The following PLCB1 variants were observed in gnomAD, a reference collection of about 807,000 sequenced individuals.
PLCB1 encodes phospholipase C beta 1, also known as 1-phosphatidylinositol 4,5-bisphosphate phosphodiesterase beta-1.
Under a neutral mutation model 161.8 loss-of-function variants are expected in PLCB1, and 46 were observed. The observed-to-expected ratio is 0.28, with a 90% CI of 0.22 to 0.36. The LOEUF is 0.36. Ranked by LOEUF, PLCB1 falls within the 10% of genes least tolerant of loss-of-function variation. The pLI, the probability that PLCB1 is intolerant of heterozygous loss-of-function variation, is 1.00. For synonymous variants in PLCB1, 517 were observed against 503.7 expected (o/e 1.03, Z -0.35); for missense variants, 1,016 against 1,472.5 (o/e 0.69, Z 5.07).
chr20:8,258,322 C>T (rs1455030305), intron 2 of PLCB1, among the ~76,000 whole-genome samples: 1 of 152,046 alleles, frequency 6.6e-6, no homozygotes, highest in Non-Finnish European at 1.5e-5. Context: ...TTCATAGATC[C>T]TTGGACCTCA....
intron 31 of PLCB1, among the ~76,000 whole-genome samples, chr20:8,842,524 C>T (rs958148272): frequency 2.6e-5 from 4 of 152,150 alleles, no homozygotes; most frequent in African/African-American, 9.7e-5. Flanking sequence ...GATAGTGTAG[C>T]AGGACGAGCC....
intron 11 of PLCB1, among the ~76,000 whole-genome samples, chr20:8,698,568 C>A (rs770276789): frequency 2.6e-5 from 4 of 152,058 alleles, no homozygotes; most frequent in Non-Finnish European, 2.9e-5. Context: ...GTCAAAGACC[C>A]CTAGGAACAT....
At chr20:8,375,630 T>G (rs1224922171) in intron 3 of PLCB1, among the ~76,000 whole-genome samples, 1 of 152,164 alleles carries the variant, frequency 6.6e-6, no homozygotes, top group African/African-American at 2.4e-5. Context: ...GCCTCATGAT[T>G]CTCAGCATGT....
chr20:8,802,124 T>TC lies in PLCB1; in HGVS notation c.3423+11869dup, dbSNP rs759029648. The TC allele has an allele frequency of 6.2e-6, 10 of 1,611,952 alleles. No individual in the cohort carries two copies. The Admixed American group carries it at 1.3e-4, about 22-fold the overall frequency. On this transcript the variant is annotated intron_variant, in intron 31 of 31. Coordinates refer to ENST00000338037, the MANE Select transcript of PLCB1 (RefSeq NM_015192.4). Reference sequence around the variant, plus strand: ...ATCCCTCTGTTTCCCCCAACTTTACTCCCCCCAACCCTCAAGCTCTCAAGT... The same window carrying TC: ...ATCCCTCTGTTTCCCCCAACTTTACTCCCCCCCAACCCTCAAGCTCTCAAGT...
At chr20:8,203,205 G>T (rs138535827) in intron 2 of PLCB1, among the ~76,000 whole-genome samples, 8 of 152,148 alleles carry the variant, frequency 5.3e-5, no homozygotes, top group African/African-American at 1.9e-4. Flanking sequence ...GAGAATCTGA[G>T]CAATGGGAGT....
intron 2 of PLCB1, among the ~76,000 whole-genome samples, chr20:8,226,272 A>G (rs1157879974): frequency 6.6e-6 from 1 of 152,012 alleles, no homozygotes; most frequent in East Asian, 1.9e-4. Context: ...TTCCCTTGGT[A>G]CTTGTGCACT....
intron 3 of PLCB1, among the ~76,000 whole-genome samples, chr20:8,464,884 G>A (rs1228741919): frequency 6.6e-6 from 1 of 151,998 alleles, no homozygotes; most frequent in Non-Finnish European, 1.5e-5. Flanking sequence ...AGCTGGGGTT[G>A]GAACTTGACC....
intron 3 of PLCB1, chr20:8,625,329 C>T (rs765673397): frequency 9.9e-5 from 15 of 152,126 alleles, no homozygotes; most frequent in South Asian, 2.1e-4. Flanking sequence ...GTGTCTTTCT[C>T]GGTCTACCCC....
chr20:8,408,529 A>C (rs1468288499), intron 3 of PLCB1, among the ~76,000 whole-genome samples: 1 of 152,214 alleles, frequency 6.6e-6, no homozygotes, highest in Non-Finnish European at 1.5e-5. Context: ...AAAAAAAATC[A>C]GATTATGGCG....
intron 2 of PLCB1, among the ~76,000 whole-genome samples, chr20:8,214,869 A>C (rs1226314016): frequency 6.6e-6 from 1 of 151,904 alleles, no homozygotes; most frequent in East Asian, 1.9e-4. Context: ...TCCTGAAGTT[A>C]TTTGCGGGGA....
At chr20:8,808,402 A>G (rs1984648213) in intron 31 of PLCB1, among the ~76,000 whole-genome samples, 1 of 152,134 alleles carries the variant, frequency 6.6e-6, no homozygotes, top group South Asian at 2.1e-4. Flanking sequence ...TCCTTTTCTT[A>G]TAAGGACACC....
At chr20:8,613,500 G>A (rs1344318672) in intron 3 of PLCB1, among the ~76,000 whole-genome samples, 2 of 152,164 alleles carry the variant, frequency 1.3e-5, no homozygotes, top group African/African-American at 2.4e-5. Context: ...TCAGAAGACA[G>A]TCTAATAGGT....
chr20:8,752,663 C>G (rs1981540895), intron 23 of PLCB1, among the ~76,000 whole-genome samples: 1 of 151,816 alleles, frequency 6.6e-6, no homozygotes. Context: ...CATGGTGGTG[C>G]ATGCCTGTAA....
chr20:8,478,976 C>T (rs1456884986), intron 3 of PLCB1, among the ~76,000 whole-genome samples: 1 of 152,062 alleles, frequency 6.6e-6, no homozygotes, highest in East Asian at 1.9e-4. Context: ...AAGCCTAATT[C>T]TTTAGATAAT....
At chr20:8,499,338 A>G (rs1482483801) in intron 3 of PLCB1, among the ~76,000 whole-genome samples, 2 of 152,186 alleles carry the variant, frequency 1.3e-5, no homozygotes, top group Non-Finnish European at 2.9e-5. Flanking sequence ...CTTCTCATAT[A>G]TTCACCTGAC....
chr20:8,273,032 G>C (rs1446647193), intron 2 of PLCB1, among the ~76,000 whole-genome samples: 1 of 152,088 alleles, frequency 6.6e-6, no homozygotes, highest in Non-Finnish European at 1.5e-5. Context: ...GTAAAGCAAT[G>C]ACAATTAAAA....
At chr20:8,668,198 CCCTAACCCTTAATAGA>C (rs1989861476) in intron 9 of PLCB1, among the ~76,000 whole-genome samples, 1 of 151,404 alleles carries the variant, frequency 6.6e-6, no homozygotes, top group Non-Finnish European at 1.5e-5. Context: ...GGACCTTCCA[CCCTAACCCTTAATAGA>C]AAAGCTGAAA....
At chr20:8,826,525 G>C (rs1250977683) in intron 31 of PLCB1, among the ~76,000 whole-genome samples, 1 of 151,714 alleles carries the variant, frequency 6.6e-6, no homozygotes, top group African/African-American at 2.4e-5. Context: ...AGAAAAGAAG[G>C]CCTCAGATGG....
At chr20:8,311,213 A>G (rs1984385221) in intron 2 of PLCB1, among the ~76,000 whole-genome samples, 1 of 152,260 alleles carries the variant, frequency 6.6e-6, no homozygotes, top group Non-Finnish European at 1.5e-5. Flanking sequence ...AATGTAAAAA[A>G]CAATCTGTAA....
Sources: gnomAD v4.1 joint callset for allele counts (sites outside exome capture counted in the v4.1 genomes callset) on GRCh38, gnomAD v4.1.1 for gene constraint, MANE v1.5 for transcripts, NCBI Gene and HGNC (gene_info 2026-07-23, HGNC 2026-07-21) for gene names.